BEST4: variants seen among roughly 807,000 people sequenced by gnomAD.
BEST4 encodes the protein bestrophin 4.
BEST4 carries 36 observed loss-of-function variants against 47.1 expected under a neutral mutation model. The observed-to-expected ratio is 0.76, with a 90% CI of 0.59 to 1.01. BEST4 has a LOEUF of 1.01. Among genes scored for constraint, BEST4 ranks in the 50% least tolerant of loss-of-function variants. BEST4 has a pLI of 0.00. For synonymous variants in BEST4, 250 were observed against 277.8 expected (o/e 0.90, Z 1.00); for missense variants, 550 against 648.6 (o/e 0.85, Z 1.65).
chr1:44,782,629 C>T (rs1308414713), downstream of BEST4, among the ~76,000 whole-genome samples: 1 of 146,622 alleles, frequency 6.8e-6, no homozygotes, highest in Non-Finnish European at 1.5e-5. Flanking sequence ...GATTCCGTCT[C>T]AAATAAATAA....
At position 44,785,020 on chromosome 1, in the gene BEST4, G is replaced by C; in HGVS notation, c.913-35C>G. 1.9e-6 allele frequency: 3 copies of C among 1,612,658 alleles called. No individual in the cohort carries two copies. In the African/African-American group the frequency reaches 4.0e-5, roughly 22 times the overall value. On this transcript the variant is annotated intron_variant, in intron 6 of 8. Transcript: ENST00000372207. ...GCAGAGACAGGGTTTTCTGGGTTCA[G>C]AGCCCCACTCTTTTTCCCCAAAGTC...
At chr1:44,787,171 G>A (rs1162768052) in intron 2 of BEST4, among the ~76,000 whole-genome samples, 2 of 132,288 alleles carry the variant, frequency 1.5e-5, no homozygotes, top group Admixed American at 8.3e-5. Flanking sequence ...TTTTTTAGCA[G>A]AGTCTCGCTA....
intron 2 of BEST4, among the ~76,000 whole-genome samples, chr1:44,787,068 C>T (rs186772458): frequency 8.4e-4 from 127 of 152,008 alleles, no homozygotes; most frequent in African/African-American, 2.8e-3. Context: ...AAGTCCTGGA[C>T]CCAGCACCCA....
chr1:44,782,247 A>C (rs545839787), downstream of BEST4, among the ~76,000 whole-genome samples: 2 of 152,288 alleles, frequency 1.3e-5, no homozygotes, highest in South Asian at 2.1e-4. Context: ...AAAAAAAAAA[A>C]AAACCTCAAA....
chr1:44,785,108 C>G lies in BEST4; in HGVS notation c.912G>C (p.Lys304Asn). 6.2e-7 allele frequency: 1 copy of G among 1,612,838 alleles called. No individual in the cohort carries two copies. The highest frequency in any genetic ancestry group is 8.5e-7 in the Non-Finnish European group (1 of 1,179,356). The change falls in exon 6 of 9, where the codon AAG becomes AAC. Residue 304 changes from lysine to asparagine, a missense_variant and splice_region_variant. Transcript: ENST00000372207. ...TGGCATGCCCATCTGCAGTGCCCACCTTGAGCCAGCCAGCATAGAAGAAGA... is the reference window on the plus strand; with the variant it reads ...TGGCATGCCCATCTGCAGTGCCCACGTTGAGCCAGCCAGCATAGAAGAAGA... The part of the protein sequence containing the change: ...LQFFFYAGWL[K>N]VAEQIINPFG...
Position 44,787,419 on chromosome 1 carries a change from C to A in BEST4, c.200G>T (p.Arg67Leu). ...GAGGTCTGCTGAGCGGTTGCAGTAC[C>A]GGGCCACCTGAGCATACACGTACCT... ...EQRYVYAQVA[R>L]YCNRSADLIP... is the part of the protein sequence containing the mutation. Residue 67 changes from arginine (R) to leucine (L), a missense_variant, in exon 2 of 9, where the codon CGG becomes CTG. Physicochemically the swap from Arg to Leu is moderately radical, Grantham distance 102 (BLOSUM62 -2). Around this residue, in one of 3 missense-constraint regions of BEST4, gnomAD observed 291 missense variants for 342.4 expected, o/e 0.85. Transcript: ENST00000372207. 2 of 1,614,070 alleles carry A rather than the reference C, an allele frequency of 1.2e-6. No individual in the cohort carries two copies. Among genetic ancestry groups the A allele is most frequent in the Non-Finnish European group, 1.7e-6 (2 of 1,179,998 alleles).
chr1:44,792,678 C>A (rs566424341), upstream of BEST4, among the ~76,000 whole-genome samples: 1 of 152,200 alleles, frequency 6.6e-6, no homozygotes, highest in East Asian at 1.9e-4. Flanking sequence ...AAGTCCTAAC[C>A]TTACCTGGCA....
chr1:44,787,248 T>G, intron 2 of BEST4, 124 bp downstream of exon 2: 1 of 920,292 alleles, frequency 1.1e-6, no homozygotes, highest in Non-Finnish European at 1.7e-6. Context: ...CTCGAGTAGC[T>G]GAGACTGCAG....
intron 4 of BEST4, 68 bp from the exon 5 acceptor site, chr1:44,785,744 A>T (rs1009191206): frequency 1.5e-6 from 2 of 1,369,790 alleles, no homozygotes; most frequent in Non-Finnish European, 2.0e-6. Flanking sequence ...AGCACAAACT[A>T]GGCCTGGGCC....
chr1:44,785,996 T>C (rs2148847737), intron 4 of BEST4, 78 bp downstream of exon 4: 1 of 1,505,072 alleles, frequency 6.6e-7, no homozygotes, highest in East Asian at 2.3e-5. Flanking sequence ...GCCATACAAC[T>C]GTTAGGTATT....
rs890993924 is a variant in BEST4, at chr1:44,784,423, G to A, written c.1209C>T (p.Pro403=). ...GCAACGGGGTCTGCGCGGCGGGCGCGGGCCGACCAGATCCGGGGGACGCCT... is the reference window on the plus strand; with the variant it reads ...GCAACGGGGTCTGCGCGGCGGGCGCAGGCCGACCAGATCCGGGGGACGCCT... ...QVEASPGSGR[P]APAAQTPLLG... The change falls in exon 9 of 9, where the codon CCC becomes CCT. Residue 403 remains proline (P), a synonymous_variant. Coordinates refer to ENST00000372207, the MANE Select transcript of BEST4 (RefSeq NM_153274.3). This position sits in a 1 kb window ranked among gnomAD's most constrained non-coding sequence, Gnocchi z 6.2. 5.6e-6 allele frequency: 8 copies of A among 1,427,908 alleles called. No individual in the cohort carries two copies. Among genetic ancestry groups the A allele is most frequent in the Admixed American group, 2.9e-5 (1 of 34,090 alleles). 88.5% of individuals were successfully genotyped at this position (1,427,908 alleles called of 1,614,324 possible).
rs368026331 is a variant in BEST4, at chr1:44,786,043, G to C, written c.636+31C>G. 3 of 1,559,868 alleles carry C rather than the reference G, an allele frequency of 1.9e-6. No individual in the cohort carries two copies. The highest frequency in any genetic ancestry group is 2.6e-6 in the Non-Finnish European group (3 of 1,155,642). ...TCATCTTTAAAATTAGAGGGAGGAG[G>C]GCAGATGGGTCTGGTCCTGAGCCCA... On this transcript the variant is annotated intron_variant, in intron 4 of 8. Coordinates refer to ENST00000372207, the MANE Select transcript of BEST4 (RefSeq NM_153274.3). This position sits in a 1 kb window ranked among gnomAD's most constrained non-coding sequence, Gnocchi z 4.9.
chr1:44,787,143 CT>C (rs34398169), intron 2 of BEST4, among the ~76,000 whole-genome samples: 62,205 of 104,988 alleles, frequency 0.59, 17,644 homozygotes, highest in Middle Eastern at 0.76. Flanking sequence ...TTGAGTAATT[CT>C]TTTTTTTTTT....
upstream of BEST4, among the ~76,000 whole-genome samples, chr1:44,791,331 A>C (rs1651407344): frequency 6.6e-6 from 1 of 151,910 alleles, no homozygotes; most frequent in South Asian, 2.1e-4. Flanking sequence ...CAGGCAGTTC[A>C]TTCTCATGCT....
rs1178265451 is a variant in BEST4, at chr1:44,784,310, T to C, written c.1322A>G (p.His441Arg). The stretch of plus-strand genomic sequence containing the variant: ...CTCCTCCGCCCGGAAGCGCAGCAGA[T>C]GCGGGGGGCGGGGGGTGCCTCGCAC... ...GRVRGTPRPPHLLRFRAEEGG... is the reference protein window; with the variant it reads ...GRVRGTPRPPRLLRFRAEEGG... Residue 441 changes from histidine (H) to arginine (R), a missense_variant, in exon 9 of 9, where the codon CAT becomes CGT. Physicochemically the swap from His to Arg is conservative, Grantham distance 29. This residue lies in a region of BEST4 where 255 missense variants were observed against 286.6 expected (regional missense o/e 0.89). Transcript: ENST00000372207. This position sits in a 1 kb window ranked among gnomAD's most constrained non-coding sequence, Gnocchi z 6.2. The C allele has an allele frequency of 7.1e-7, 1 of 1,399,410 alleles. No individual in the cohort carries two copies. Among genetic ancestry groups the C allele is most frequent in the Non-Finnish European group, 9.2e-7 (1 of 1,088,052 alleles). 86.7% of individuals were successfully genotyped at this position (1,399,410 alleles called of 1,614,324 possible).
In BEST4 at chr1:44,785,536, C is replaced by T. The variant is rs1651188289; in HGVS notation, c.714+63G>A. ...GGCAAGTACCATCGCTAATTCTTCTCATCTCACACACAGCACAGGACATAC... is the reference window on the plus strand; with the variant it reads ...GGCAAGTACCATCGCTAATTCTTCTTATCTCACACACAGCACAGGACATAC... On this transcript the variant is annotated intron_variant, in intron 5 of 8. Coordinates refer to ENST00000372207, the MANE Select transcript of BEST4 (RefSeq NM_153274.3). 25 of 1,439,962 alleles carry T rather than the reference C, an allele frequency of 1.7e-5. 1 individual carries two copies. The highest frequency in any genetic ancestry group is 1.3e-4 in the South Asian group (10 of 78,778). 89.2% of individuals were successfully genotyped at this position (1,439,962 alleles called of 1,614,324 possible). A position where few individuals can be genotyped will look rare whatever the true frequency, so the allele number is the denominator to read the frequency against.
At chr1:44,788,968 C>T (rs940153191), upstream of BEST4, among the ~76,000 whole-genome samples, 1 of 152,106 alleles carries the variant, frequency 6.6e-6, no homozygotes, top group Non-Finnish European at 1.5e-5. Flanking sequence ...ATAGAACTTC[C>T]GCTGCCAGGC....
Position 44,787,747 on chromosome 1 carries a change from C to G in BEST4, c.-42G>C. ...GGCAGGAGGTCACAAGAGTTGCCCC[C>G]AGGGCTGTCGTTTAGTTCTCCAGAC... On this transcript the variant is annotated 5_prime_UTR_variant, in exon 1 of 9. Transcript: ENST00000372207. The G allele has an allele frequency of 6.2e-7, 1 of 1,610,978 alleles. No homozygotes were observed. The highest frequency in any genetic ancestry group is 8.5e-7 in the Non-Finnish European group (1 of 1,178,804).
chr1:44,790,110 G>T (rs558588151), upstream of BEST4, among the ~76,000 whole-genome samples: 42 of 152,316 alleles, frequency 2.8e-4, no homozygotes, highest in South Asian at 8.7e-3. Flanking sequence ...CACTGTGGGT[G>T]GTTGGCTTGG....
Sources: allele counts gnomAD v4.1 joint callset (sites outside exome capture counted in the v4.1 genomes callset), GRCh38; gene constraint gnomAD v4.1.1; regional missense constraint gnomAD v4.1.1; non-coding constraint Gnocchi (gnomAD v3.1); transcripts MANE v1.5; gene names NCBI Gene and HGNC (gene_info 2026-07-23, HGNC 2026-07-21).